LZTS3: variants seen among roughly 807,000 people sequenced by gnomAD.
The protein encoded by LZTS3 is leucine zipper putative tumor suppressor 3.
Under a neutral mutation model 50.9 loss-of-function variants are expected in LZTS3, and 16 were observed. The observed-to-expected ratio is 0.31, with a 90% CI of 0.21 to 0.48. The LOEUF is 0.48. Ranked by LOEUF, LZTS3 falls within the 20% of genes least tolerant of loss-of-function variation. LZTS3 has a pLI of 0.99. For synonymous variants in LZTS3, 408 were observed against 410.6 expected (o/e 0.99, Z 0.08); for missense variants, 816 against 931.0 (o/e 0.88, Z 1.61).
At chr20:3,169,689 G>C (rs1327033938) in intron 1 of LZTS3, among the ~76,000 whole-genome samples, 1 of 151,916 alleles carries the variant, frequency 6.6e-6, no homozygotes, top group Non-Finnish European at 1.5e-5. Context: ...GACCATCCTG[G>C]CCAAATTGGT....
At chr20:3,173,128 C>G (rs535535002) in intron 1 of LZTS3, among the ~76,000 whole-genome samples, 1 of 152,276 alleles carries the variant, frequency 6.6e-6, no homozygotes, top group Non-Finnish European at 1.5e-5. Context: ...CCACAGGCCA[C>G]AGGACCTGGG....
rs1457576000 is a variant in LZTS3 at position 3,165,489 on chromosome 20, GC to G, written c.1323+7del. ...GGCAGAGGGGAGGCCCAGATCCCCA[GC>G]CCGCACCTCCCACTTAGTTTCCTCT... is the stretch of plus-strand genomic sequence containing the variant. On this transcript the variant is annotated splice_region_variant and intron_variant, in intron 4 of 4. Transcript: ENST00000337576. This position sits in a 1 kb window ranked among gnomAD's most constrained non-coding sequence, Gnocchi z 5.0. The G allele has an allele frequency of 6.7e-7, 1 of 1,483,936 alleles. No individual in the cohort carries two copies. The highest frequency in any genetic ancestry group is 2.3e-5 in the East Asian group (1 of 43,716). The allele number at this position is 1,483,936 out of a possible 1,614,324, so 91.9% of individuals were successfully genotyped here.
At position 3,165,285 on chromosome 20, in the gene LZTS3, G is replaced by T. The variant is rs1241806616; in HGVS notation, c.1324-133C>A. 2.6e-6 allele frequency: 3 copies of T among 1,162,906 alleles called. No individual in the cohort carries two copies. The highest frequency in any genetic ancestry group is 3.5e-6 in the Non-Finnish European group (3 of 853,376). The allele number at this position is 1,162,906 out of a possible 1,614,324, so 72.0% of individuals were successfully genotyped here. A position where few individuals can be genotyped will look rare whatever the true frequency, so the allele number is the denominator to read the frequency against. The stretch of plus-strand genomic sequence containing the variant: ...GGCTCAGCCCCTCATCAGCAGCGAC[G>T]CACCCGATTCCCTGCCTGGACTCAA... On this transcript the variant is annotated intron_variant, in intron 4 of 4. Transcript: ENST00000337576. This position sits in a 1 kb window ranked among gnomAD's most constrained non-coding sequence, Gnocchi z 5.0.
rs1188170384 is a variant in LZTS3 at position 3,166,719 on chromosome 20, C to T, written c.445G>A (p.Gly149Ser). Residue 149 changes from glycine (G) to serine (S), a missense_variant, in exon 3 of 5, where the codon GGC becomes AGC. Physicochemically the swap from Gly to Ser is moderately conservative, Grantham distance 56. Around this residue, in one of 3 missense-constraint regions of LZTS3, gnomAD observed 700 missense variants for 769.4 expected, o/e 0.91. Transcript: ENST00000337576. ...SHPPKLLATS[G>S]KLDQCSEPLV... Reference sequence around the variant, plus strand: ...TGCGGACTGACCTGGTCTAGCTTGCCAGAGGTGGCCAGGAGCTTGGGTGGG... The same window carrying T: ...TGCGGACTGACCTGGTCTAGCTTGCTAGAGGTGGCCAGGAGCTTGGGTGGG... 6.2e-7 allele frequency: 1 copy of T among 1,613,544 alleles called. No individual in the cohort carries two copies. Among genetic ancestry groups the T allele is most frequent in the Non-Finnish European group, 8.5e-7 (1 of 1,179,696 alleles).
At position 3,166,360 on chromosome 20, in the gene LZTS3, A is replaced by G; in HGVS notation, c.460T>C (p.Cys154Arg). 1.3e-6 allele frequency: 2 copies of G among 1,599,030 alleles called. No homozygotes were observed. The highest frequency in any genetic ancestry group is 1.7e-6 in the Non-Finnish European group (2 of 1,172,112). Residue 154 changes from cysteine (C) to arginine (R), a missense_variant and splice_region_variant, in exon 4 of 5, where the codon TGC becomes CGC. This residue lies in a region of LZTS3 where 700 missense variants were observed against 769.4 expected (regional missense o/e 0.91). Transcript: ENST00000337576. ...GACGGCCGAACTAGTGGTTCTGAGCACTGCAGGAAACGCAGGAGGGGGCTG... is the reference window on the plus strand; with the variant it reads ...GACGGCCGAACTAGTGGTTCTGAGCGCTGCAGGAAACGCAGGAGGGGGCTG... ...LLATSGKLDQ[C>R]SEPLVRPSAF...
chr20:3,164,998 C>A lies in LZTS3; in HGVS notation c.1478G>T (p.Ser493Ile), dbSNP rs776512871. 6 of 1,557,756 alleles carry A rather than the reference C, an allele frequency of 3.9e-6. No individual in the cohort carries two copies. Among genetic ancestry groups the A allele is most frequent in the Non-Finnish European group, 4.3e-6 (5 of 1,154,382 alleles). The change falls in exon 5 of 5, where the codon AGC (serine) becomes ATC (isoleucine). Residue 493 changes from serine (S) to isoleucine (I), a missense_variant. Ser to Ile is a moderately radical substitution (Grantham distance 142). This residue lies in a region of LZTS3 where 700 missense variants were observed against 769.4 expected (regional missense o/e 0.91). Coordinates refer to ENST00000337576, the MANE Select transcript of LZTS3 (RefSeq NM_001365618.1). ...CTTGCTGCTGAAGGAGTCCCGCAGGCTGAGCAGCTGCTCCTCCTTCTCCCG... is the reference window on the plus strand; with the variant it reads ...CTTGCTGCTGAAGGAGTCCCGCAGGATGAGCAGCTGCTCCTCCTTCTCCCG... ...SLREKEEQLL[S>I]LRDSFSSKQA...
chr20:3,167,365 G>A lies in LZTS3; in HGVS notation c.-18-184C>T, dbSNP rs545616766. The A allele has an allele frequency of 5.2e-5, 70 of 1,345,608 alleles. No homozygotes were observed. The African/African-American group carries it at 9.5e-4, about 18-fold the overall frequency. The allele number at this position is 1,345,608 out of a possible 1,614,324, so 83.4% of individuals were successfully genotyped here. A position where few individuals can be genotyped will look rare whatever the true frequency, so the allele number is the denominator to read the frequency against. ...GATAAAAGAGAGAACTTGGGAATGG[G>A]GGCTGCCTGTTGCCCACCTGATAAA... On this transcript the variant is annotated intron_variant, in intron 2 of 4. Coordinates refer to ENST00000337576, the MANE Select transcript of LZTS3 (RefSeq NM_001365618.1).
intron 2 of LZTS3, chr20:3,167,508 T>G: frequency 9.3e-7 from 1 of 1,072,718 alleles, no homozygotes; most frequent in Non-Finnish European, 1.1e-6. Context: ...CGCCATGAGC[T>G]TCCCAGGCTC....
In LZTS3 at chr20:3,166,278, G is replaced by C; in HGVS notation, c.542C>G (p.Pro181Arg). 1 of 1,613,892 alleles carries C rather than the reference G, an allele frequency of 6.2e-7. No homozygotes were observed. The highest frequency in any genetic ancestry group is 1.1e-5 in the South Asian group (1 of 91,056). Reference protein sequence around the residue: ...NFHSMQNLCPPQTNGTPEGRQ... With the variant: ...NFHSMQNLCPRQTNGTPEGRQ... Reference sequence around the variant, plus strand: ...TCCCTCAGGAGTCCCATTGGTCTGCGGGGGGCACAAATTCTGCATGGAGTG... The same window carrying C: ...TCCCTCAGGAGTCCCATTGGTCTGCCGGGGGCACAAATTCTGCATGGAGTG... Residue 181 changes from proline (P) to arginine (R), a missense_variant, in exon 4 of 5, where the codon CCG becomes CGG. Physicochemically the swap from Pro to Arg is moderately radical, Grantham distance 103. Coordinates refer to ENST00000337576, the MANE Select transcript of LZTS3 (RefSeq NM_001365618.1).
In LZTS3 at chr20:3,164,825, C is replaced by T. The variant is rs1480525791; in HGVS notation, c.1651G>A (p.Ala551Thr). The T allele has an allele frequency of 2.6e-6, 4 of 1,544,920 alleles. No homozygotes were observed. Among genetic ancestry groups the T allele is most frequent in the African/African-American group, 1.4e-5 (1 of 73,160 alleles). The change falls in exon 5 of 5, where the codon GCT (alanine) becomes ACT (threonine). Residue 551 changes from alanine to threonine, a missense_variant. Ala to Thr is a moderately conservative substitution (Grantham distance 58). Around this residue, in one of 3 missense-constraint regions of LZTS3, gnomAD observed 700 missense variants for 769.4 expected, o/e 0.91. Coordinates refer to ENST00000337576, the MANE Select transcript of LZTS3 (RefSeq NM_001365618.1). The stretch of plus-strand genomic sequence containing the variant: ...TCCACGGAAACCAAGGAGGCGGCAG[C>T]GGCCACCCCGGCCTGACGGCGCATC... ...AKMRRQAGVAAAASLVSVDGE... is the reference protein window; with the variant it reads ...AKMRRQAGVATAASLVSVDGE...
At position 3,167,044 on chromosome 20, in the gene LZTS3, C is replaced by T. The variant is rs1178540867; in HGVS notation, c.120G>A (p.Val40=). 1 of 1,574,468 alleles carries T rather than the reference C, an allele frequency of 6.4e-7. No individual in the cohort carries two copies. Among genetic ancestry groups the T allele is most frequent in the South Asian group, 1.1e-5 (1 of 88,582 alleles). The change falls in exon 3 of 5, where the codon GTG becomes GTA. Residue 40 remains valine (V), a synonymous_variant. Transcript: ENST00000337576. ...PPDPRLAMGS[V]GSGVAHAQEF... is the part of the protein sequence containing the mutation. ...CCTGGGCATGGGCCACCCCACTGCC[C>T]ACGCTGCCCATGGCCAGGCGGGGGT...
Position 3,167,750 on chromosome 20 carries a change from G to C in LZTS3, c.-31C>G. 1 of 985,642 alleles carries C rather than the reference G, an allele frequency of 1.0e-6. No homozygotes were observed. The highest frequency in any genetic ancestry group is 1.2e-6 in the Non-Finnish European group (1 of 830,120). 61.1% of individuals were successfully genotyped at this position (985,642 alleles called of 1,614,324 possible). ...CCAGCCCCCTAACCTAAGTGTTGCA[G>C]TCAGGGCAGAAGTGGAAGCTCACTA... On this transcript the variant is annotated 5_prime_UTR_variant, in exon 2 of 5. Coordinates refer to ENST00000337576, the MANE Select transcript of LZTS3 (RefSeq NM_001365618.1).
At chr20:3,171,544 A>T (rs1409852336) in intron 1 of LZTS3, among the ~76,000 whole-genome samples, 1 of 151,860 alleles carries the variant, frequency 6.6e-6, no homozygotes, top group Non-Finnish European at 1.5e-5. Flanking sequence ...GCGTGTCTGT[A>T]ATCCCAGCTA....
Position 3,162,708 on chromosome 20 carries a change from A to G in LZTS3, c.*1746T>C, listed in dbSNP as rs145786904. 6.6e-6 allele frequency: 1 copy of G among 152,178 alleles called. No homozygotes were observed. Among genetic ancestry groups the G allele is most frequent in the East Asian group, 1.9e-4 (1 of 5,188 alleles). The allele number at this position is 152,178 out of a possible 1,614,324, so 9.4% of individuals were successfully genotyped here. ...ATATGGTAGAGATATATATTTATAT[A>G]TATTTATATATAATTTCTTTTGTGG... On this transcript the variant is annotated 3_prime_UTR_variant, in exon 5 of 5. Coordinates refer to ENST00000337576, the MANE Select transcript of LZTS3 (RefSeq NM_001365618.1). The surrounding 1 kb of genome is among the most constrained non-coding windows in gnomAD (Gnocchi z 5.0).
At chr20:3,173,059 G>A (rs919469572) in intron 1 of LZTS3, among the ~76,000 whole-genome samples, 11 of 152,100 alleles carry the variant, frequency 7.2e-5, no homozygotes, top group South Asian at 2.1e-4. Flanking sequence ...GGGGTGGGAG[G>A]GGGGGTCGCC....
rs187849976 is a variant in LZTS3, at chr20:3,169,906, C to T, written c.-242-1945G>A. 5.1e-4 allele frequency among the ~76,000 whole-genome samples: 61 copies of T among 119,034 alleles called. 1 individual carries two copies. The East Asian group carries it at 0.012, about 23-fold the overall frequency. 78.1% of individuals were successfully genotyped at this position (119,034 alleles called of 152,430 possible). A position where few individuals can be genotyped will look rare whatever the true frequency, so the allele number is the denominator to read the frequency against. ...AAAAAAAAAAAAAAAAAAAAAAAAGCACTAGATGGAGAGAGATTGAGATCA... is the reference window on the plus strand; with the variant it reads ...AAAAAAAAAAAAAAAAAAAAAAAAGTACTAGATGGAGAGAGATTGAGATCA... On this transcript the variant is annotated intron_variant, in intron 1 of 4. Transcript: ENST00000337576.
At chr20:3,169,520 G>A (rs1016859811) in intron 1 of LZTS3, among the ~76,000 whole-genome samples, 8 of 152,186 alleles carry the variant, frequency 5.3e-5, no homozygotes, top group African/African-American at 1.9e-4. Context: ...CTGTTAACAT[G>A]ATAGGGGGAG....
At position 3,164,542 on chromosome 20, in the gene LZTS3, C is replaced by T. The variant is rs542930865; in HGVS notation, c.1934G>A (p.Gly645Asp). 1.9e-6 allele frequency: 3 copies of T among 1,604,964 alleles called. No individual in the cohort carries two copies. The highest frequency in any genetic ancestry group is 2.3e-5 in the East Asian group (1 of 43,818). Residue 645 changes from glycine to aspartate, a missense_variant, in exon 5 of 5, where the codon GGT becomes GAT. Physicochemically the swap from Gly to Asp is moderately conservative, Grantham distance 94. Around this residue, in one of 3 missense-constraint regions of LZTS3, gnomAD observed 107 missense variants for 130.4 expected, o/e 0.82. Coordinates refer to ENST00000337576, the MANE Select transcript of LZTS3 (RefSeq NM_001365618.1). The stretch of plus-strand genomic sequence containing the variant: ...ATGCTGGGGAGTGGGCGTGCTTGCA[C>T]CCCCTGCGGCCCCGCGCTCCCGCAG... ...RRLRERGAAG[G>D]ASTPTPQHGE...
chr20:3,171,521 C>T (rs1413375780), intron 1 of LZTS3, among the ~76,000 whole-genome samples: 1 of 152,012 alleles, frequency 6.6e-6, no homozygotes, highest in East Asian at 1.9e-4. Context: ...AGCAGATAGC[C>T]GGGCGTCGTG....
Sources: gnomAD v4.1 joint callset for allele counts (sites outside exome capture counted in the v4.1 genomes callset) on GRCh38, gnomAD v4.1.1 for gene constraint, gnomAD v4.1.1 regional missense constraint, Gnocchi (gnomAD v3.1) non-coding constraint, MANE v1.5 for transcripts, NCBI Gene and HGNC (gene_info 2026-07-23, HGNC 2026-07-21) for gene names.